The following COL4A5 variants were observed in gnomAD, a reference collection of about 807,000 sequenced individuals.
The protein encoded by COL4A5 is collagen alpha-5(IV) chain.
Under a neutral mutation model 130.2 loss-of-function variants are expected in COL4A5, and 26 were observed. The observed-to-expected ratio is 0.20, with a 90% confidence interval of 0.15 to 0.28. The LOEUF (loss-of-function observed/expected upper bound fraction) is 0.28. Among genes scored for constraint, COL4A5 ranks in the 10% least tolerant of loss-of-function variants. The pLI is 1.00. For missense variants in COL4A5, 1,131 were observed against 1,344.3 expected (o/e 0.84, Z 2.48); for synonymous variants, 496 against 439.6 (o/e 1.13, Z -1.60).
At chrX:108,647,418 T>G (rs2147919242) in intron 36 of COL4A5, among the ~76,000 whole-genome samples, 1 of 111,660 alleles carries the variant, frequency 9.0e-6, no homozygotes. Flanking sequence ...TTGTGATTTT[T>G]GCACATCGAT....
intron 1 of COL4A5, among the ~76,000 whole-genome samples, chrX:108,524,608 CT>C (rs2065295674): frequency 9.0e-6 from 1 of 110,540 alleles, no homozygotes; most frequent in South Asian, 3.9e-4. Context: ...GATTTGGCAT[CT>C]TTTTTAATAT....
Position 108,601,428 on chromosome X carries a change from C to G in COL4A5, c.1984C>G (p.Pro662Ala). 1 of 1,208,185 alleles carries G rather than the reference C, an allele frequency of 8.3e-7. No homozygotes were observed. The highest frequency in any genetic ancestry group is 1.1e-6 in the Non-Finnish European group (1 of 893,906). ...GGATCCAGGTCAGACTATAACCCAG[C>G]CGGGGAAGCCTGGCTTGCCTGGTAA... ...KGDPGQTITQ[P>A]GKPGLPGNPG... Residue 662 changes from proline (P) to alanine (A), a missense_variant, in exon 26 of 53, where the codon CCG becomes GCG. Coordinates refer to ENST00000328300, the MANE Select transcript of COL4A5 (RefSeq NM_033380.3).
intron 17 of COL4A5, 86 bp downstream of exon 17, chrX:108,583,023 A>G: frequency 2.6e-6 from 2 of 765,386 alleles, no homozygotes; most frequent in Non-Finnish European, 4.1e-6. Context: ...ATAAATGGAA[A>G]AAGTCTACAT....
chrX:108,659,347 C>A (rs761280366), intron 37 of COL4A5, among the ~76,000 whole-genome samples: 25 of 110,667 alleles, frequency 2.3e-4, no homozygotes, highest in Non-Finnish European at 1.9e-5. Flanking sequence ...TTCCTTGTAC[C>A]CTTGAAAATA....
intron 1 of COL4A5, among the ~76,000 whole-genome samples, chrX:108,444,906 G>A (rs2064437331): frequency 9.0e-6 from 1 of 111,535 alleles, no homozygotes; most frequent in Admixed American, 9.6e-5. Flanking sequence ...CAAGAGGTTG[G>A]CCTCTGAAGT....
chrX:108,614,033 A>C lies in COL4A5; in HGVS notation c.2396-878A>C, dbSNP rs753207602. Among the ~76,000 whole-genome samples the C allele has an allele frequency of 7.1e-5, 8 of 111,974 alleles. No homozygotes were observed. In the South Asian group the frequency reaches 1.1e-3, roughly 16 times the overall value. The stretch of plus-strand genomic sequence containing the variant: ...TTGTAAACACCCCAAATGTGCCTCA[A>C]ATTGCAAAAAGATTAACAAAATGTA... On this transcript the variant is annotated intron_variant, in intron 29 of 52. Transcript: ENST00000328300.
chrX:108,602,964 G>C lies in COL4A5; in HGVS notation c.2147G>C (p.Gly716Ala). The change falls in exon 28 of 53, where the codon GGC (glycine) becomes GCC (alanine). Residue 716 changes from glycine (G) to alanine (A), a missense_variant and splice_region_variant. Physicochemically the swap from Gly to Ala is moderately conservative, Grantham distance 60. Transcript: ENST00000328300. ...IGLPGPPGPKGFPGIPGPPGA... is the reference protein window; with the variant it reads ...IGLPGPPGPKAFPGIPGPPGA... Reference sequence around the variant, plus strand: ...TAAAAAATGACTTATCATTTTACAGGCTTTCCTGGAATTCCAGGACCTCCA... The same window carrying C: ...TAAAAAATGACTTATCATTTTACAGCCTTTCCTGGAATTCCAGGACCTCCA... The C allele has an allele frequency of 8.5e-7, 1 of 1,169,591 alleles. No homozygotes were observed. The highest frequency in any genetic ancestry group is 1.2e-6 in the Non-Finnish European group (1 of 866,451).
intron 43 of COL4A5, 62 bp from the exon 44 acceptor site, chrX:108,677,438 C>T (rs920794181): frequency 4.6e-5 from 51 of 1,107,636 alleles, no homozygotes; most frequent in Non-Finnish European, 6.1e-5. Context: ...TTTTAAAAGC[C>T]TGACTTTTAT....
chrX:108,514,473 C>T (rs1205894764), intron 1 of COL4A5, among the ~76,000 whole-genome samples: 2 of 111,802 alleles, frequency 1.8e-5, no homozygotes, highest in Admixed American at 1.9e-4. Flanking sequence ...ACTAGTTTTG[C>T]ACTGCTCAGC....
intron 1 of COL4A5, among the ~76,000 whole-genome samples, chrX:108,454,418 C>A (rs111640792): frequency 9.0e-6 from 1 of 110,730 alleles, no homozygotes; most frequent in Admixed American, 9.6e-5. Flanking sequence ...GCTGGGATTA[C>A]AGGCGCCCGC....
intron 1 of COL4A5, among the ~76,000 whole-genome samples, chrX:108,468,058 A>G (rs775486806): frequency 3.7e-4 from 41 of 111,634 alleles, no homozygotes; most frequent in Non-Finnish European, 7.3e-4. Context: ...AAATTCGTTT[A>G]TGTTTTATAT....
At chrX:108,559,466 T>G (rs2065872279) in intron 3 of COL4A5, among the ~76,000 whole-genome samples, 1 of 112,165 alleles carries the variant, frequency 8.9e-6, no homozygotes, top group African/African-American at 3.2e-5. Flanking sequence ...AGTAGCTGAT[T>G]AAGAGAAGAA....
At chrX:108,521,224 T>G (rs2065262176) in intron 1 of COL4A5, among the ~76,000 whole-genome samples, 1 of 111,533 alleles carries the variant, frequency 9.0e-6, no homozygotes, top group African/African-American at 3.3e-5. Flanking sequence ...TAGCTGTTCA[T>G]GTACTGCATT....
chrX:108,695,169 A>C, intron 51 of COL4A5, 98 bp from the exon 52 acceptor site: 1 of 1,066,822 alleles, frequency 9.4e-7, no homozygotes, highest in Non-Finnish European at 1.3e-6. Context: ...TTCCTTCACT[A>C]GATTTGAATT....
chrX:108,579,288 C>T (rs939600719), intron 13 of COL4A5, among the ~76,000 whole-genome samples: 6 of 112,438 alleles, frequency 5.3e-5, no homozygotes, highest in Non-Finnish European at 1.1e-4. Flanking sequence ...TCTTCTGTGT[C>T]TGGCTTCTTT....
intron 1 of COL4A5, among the ~76,000 whole-genome samples, chrX:108,468,043 A>G (rs1401996002): frequency 9.0e-6 from 1 of 111,673 alleles, no homozygotes; most frequent in Non-Finnish European, 1.9e-5. Flanking sequence ...CCAGGTTTCA[A>G]TATGAAATTC....
chrX:108,598,503 C>T (rs1022753191), intron 24 of COL4A5, among the ~76,000 whole-genome samples, 199 bp from the exon 25 acceptor site: 1 of 111,852 alleles, frequency 8.9e-6, no homozygotes, highest in African/African-American at 3.3e-5. Flanking sequence ...GCACTTGACA[C>T]ATAGTAGGAG....
intron 39 of COL4A5, 32 bp downstream of exon 39, chrX:108,666,626 T>C: frequency 9.1e-7 from 1 of 1,098,831 alleles, no homozygotes; most frequent in Non-Finnish European, 1.2e-6. Flanking sequence ...CCTATTTTTC[T>C]AATTTTCTCT....
chrX:108,602,913 TC>T (rs763046742), intron 27 of COL4A5, 50 bp from the exon 28 acceptor site: 7 of 895,919 alleles, frequency 7.8e-6, no homozygotes, highest in Non-Finnish European at 9.6e-6. Flanking sequence ...TGAATATCTT[TC>T]TTAAAGTGCC....
Sources: allele counts gnomAD v4.1 joint callset (sites outside exome capture counted in the v4.1 genomes callset), GRCh38; gene constraint gnomAD v4.1.1; transcripts MANE v1.5; gene names NCBI Gene and HGNC (gene_info 2026-07-23, HGNC 2026-07-21).